Variants in MAP3K13 observed in about 807,000 individuals in gnomAD.
The protein encoded by MAP3K13 is leucine zipper-bearing kinase.
MAP3K13 carries 52 observed loss-of-function variants against 104.0 expected under a neutral mutation model. The ratio of observed to expected loss-of-function variants is 0.50; its 90% CI spans 0.40 to 0.63. MAP3K13 has a LOEUF of 0.63. MAP3K13 is among the 20% of genes least tolerant of loss of function. The pLI is 0.00. For synonymous variants in MAP3K13, 394 were observed against 442.2 expected (o/e 0.89, Z 1.37); for missense variants, 914 against 1,218.5 (o/e 0.75, Z 3.72).
intron 1 of MAP3K13, among the ~76,000 whole-genome samples, chr3:185,375,984 A>AG (rs1448406750): frequency 6.6e-6 from 1 of 152,148 alleles, no homozygotes; most frequent in Admixed American, 6.5e-5. Flanking sequence ...GAGGTAGTGG[A>AG]GGGGGGCAGA....
chr3:185,454,618 A>G (rs1347746333), intron 7 of MAP3K13, among the ~76,000 whole-genome samples: 16 of 51,678 alleles, frequency 3.1e-4, no homozygotes, highest in South Asian at 2.7e-3. Context: ...TATATGATAT[A>G]TATATGAGAT....
chr3:185,454,628 T>TATATATGAG (rs1553808137), intron 7 of MAP3K13, among the ~76,000 whole-genome samples: 1 of 52,262 alleles, frequency 1.9e-5, no homozygotes, highest in Non-Finnish European at 3.9e-5. Context: ...ATATATGAGA[T>TATATATGAG]ATATATATGA....
chr3:185,465,929 C>T lies in MAP3K13; in HGVS notation c.1505+66C>T, dbSNP rs961580046. The stretch of plus-strand genomic sequence containing the variant: ...CTGTCAATCAGCAGAAACATACTAC[C>T]CTTCCATGTTGCTGCTACTCAGAAC... On this transcript the variant is annotated intron_variant, in intron 9 of 13. Transcript: ENST00000265026. 5.4e-6 allele frequency: 6 copies of T among 1,118,344 alleles called. No individual in the cohort carries two copies. The African/African-American group carries it at 9.2e-5, about 17-fold the overall frequency. 69.3% of individuals were successfully genotyped at this position (1,118,344 alleles called of 1,614,324 possible).
At position 185,423,519 on chromosome 3, in the gene MAP3K13, T is replaced by C. The variant is rs1162647884; in HGVS notation, c.-85-4978T>C. On this transcript the variant is annotated intron_variant, in intron 1 of 13. Coordinates refer to ENST00000265026, the MANE Select transcript of MAP3K13 (RefSeq NM_004721.5). This position sits in a 1 kb window ranked among gnomAD's most constrained non-coding sequence, Gnocchi z 4.1. ...GATCAGTAATGTCAAAGCTCAGAGATGAGCACGAAAAGAACAGGGGAGGGG... is the reference window on the plus strand; with the variant it reads ...GATCAGTAATGTCAAAGCTCAGAGACGAGCACGAAAAGAACAGGGGAGGGG... 1.3e-5 allele frequency among the ~76,000 whole-genome samples: 2 copies of C among 152,164 alleles called. No homozygotes were observed. The highest frequency in any genetic ancestry group is 2.9e-5 in the Non-Finnish European group (2 of 68,028).
chr3:185,464,721 T>G (rs778139453), intron 8 of MAP3K13, among the ~76,000 whole-genome samples: 3 of 152,224 alleles, frequency 2.0e-5, no homozygotes, highest in Non-Finnish European at 4.4e-5. Context: ...GAGTCAGTTC[T>G]GAATGCTATA....
At chr3:185,292,981 T>C in intron 2 of MAP3K13, 1 of 984,634 alleles carries the variant, frequency 1.0e-6, no homozygotes, top group Non-Finnish European at 1.2e-6. Flanking sequence ...TCCCACGTGG[T>C]AAGAATAAAA....
rs911063235 is a variant in MAP3K13, at chr3:185,418,032, G to A, written c.-85-10465G>A. 5 of 1,611,894 alleles carry A rather than the reference G, an allele frequency of 3.1e-6. No individual in the cohort carries two copies. Among genetic ancestry groups the A allele is most frequent in the Non-Finnish European group, 4.2e-6 (5 of 1,179,712 alleles). The stretch of plus-strand genomic sequence containing the variant: ...GGAAAGCACTTTCAGTCCAAATGCA[G>A]AAACGTCCCACATGCCCACCAGGAG... On this transcript the variant is annotated intron_variant, in intron 1 of 13. Coordinates refer to ENST00000265026, the MANE Select transcript of MAP3K13 (RefSeq NM_004721.5). This position sits in a 1 kb window ranked among gnomAD's most constrained non-coding sequence, Gnocchi z 4.5.
chr3:185,450,409 C>A lies in MAP3K13; in HGVS notation c.1169+351C>A, dbSNP rs1387162019. 6.6e-6 allele frequency among the ~76,000 whole-genome samples: 1 copy of A among 152,138 alleles called. No individual in the cohort carries two copies. The highest frequency in any genetic ancestry group is 1.5e-5 in the Non-Finnish European group (1 of 68,038). On this transcript the variant is annotated intron_variant, in intron 6 of 13. Coordinates refer to ENST00000265026, the MANE Select transcript of MAP3K13 (RefSeq NM_004721.5). The surrounding 1 kb of genome is among the most constrained non-coding windows in gnomAD (Gnocchi z 4.2). Reference sequence around the variant, plus strand: ...TAAATAGGTCACTAATCCTAGATTTCCATTTCATCATTAGACGTATCTCAT... The same window carrying A: ...TAAATAGGTCACTAATCCTAGATTTACATTTCATCATTAGACGTATCTCAT...
At position 185,411,657 on chromosome 3, in the gene MAP3K13, A is replaced by G. The variant is rs192595869; in HGVS notation, c.-85-16840A>G. 1.4e-4 allele frequency among the ~76,000 whole-genome samples: 21 copies of G among 152,320 alleles called. No individual in the cohort carries two copies. The South Asian group carries it at 3.9e-3, about 29-fold the overall frequency. ...AGTGATACTTCAAATAGTAATTTCT[A>G]TTAGTGATTTTTAAATGTTATTTTA... is the stretch of plus-strand genomic sequence containing the variant. On this transcript the variant is annotated intron_variant, in intron 1 of 13. Transcript: ENST00000265026.
At chr3:185,415,810 C>T (rs1238003825) in intron 1 of MAP3K13, among the ~76,000 whole-genome samples, 1 of 151,794 alleles carries the variant, frequency 6.6e-6, no homozygotes, top group African/African-American at 2.4e-5. Context: ...CTCAAACTCC[C>T]AACCTCAGGT....
chr3:185,390,353 G>A (rs1711969123), intron 1 of MAP3K13, among the ~76,000 whole-genome samples: 1 of 152,118 alleles, frequency 6.6e-6, no homozygotes, highest in Admixed American at 6.6e-5. Context: ...TCATCAAGGT[G>A]GAGTCAGCAT....
chr3:185,325,758 G>A (rs138232966), intron 2 of MAP3K13, among the ~76,000 whole-genome samples: 1 of 152,242 alleles, frequency 6.6e-6, no homozygotes, highest in Non-Finnish European at 1.5e-5. Context: ...CCTTCCCATG[G>A]CATCTCAGTG....
intron 1 of MAP3K13, among the ~76,000 whole-genome samples, chr3:185,410,144 T>C (rs1035010451): frequency 6.6e-6 from 1 of 152,218 alleles, no homozygotes; most frequent in Admixed American, 6.5e-5. Context: ...CACCTCCTGC[T>C]GTGCAGCCTG....
intron 13 of MAP3K13, among the ~76,000 whole-genome samples, chr3:185,481,851 G>A (rs148978865): frequency 4.6e-5 from 7 of 152,340 alleles, no homozygotes; most frequent in East Asian, 1.9e-4. Context: ...TTGGGAGGCC[G>A]AGGCAGATGG....
intron 10 of MAP3K13, among the ~76,000 whole-genome samples, chr3:185,471,451 CTTTTTTTTTTTTTT>C (rs71164510): frequency 2.7e-5 from 2 of 75,444 alleles, no homozygotes; most frequent in South Asian, 9.5e-4. Context: ...ACGACCTTTA[CTTTTTTTTTTTTTT>C]TTTTTTTTTT....
At chr3:185,440,233 G>A (rs1191135902) in intron 3 of MAP3K13, among the ~76,000 whole-genome samples, 2 of 152,174 alleles carry the variant, frequency 1.3e-5, no homozygotes, top group East Asian at 3.9e-4. Context: ...TGATTATAGA[G>A]CTGTTATTTA....
chr3:185,399,990 T>A (rs1712696732), intron 1 of MAP3K13, among the ~76,000 whole-genome samples: 1 of 152,120 alleles, frequency 6.6e-6, no homozygotes. Context: ...TTGCTCAGAT[T>A]CTTTCCATTC....
At chr3:185,363,569 C>T (rs1723736761) in intron 1 of MAP3K13, among the ~76,000 whole-genome samples, 1 of 152,196 alleles carries the variant, frequency 6.6e-6, no homozygotes, top group Non-Finnish European at 1.5e-5. Context: ...TTTTCCTTTG[C>T]TTGTCTGCCT....
intron 7 of MAP3K13, among the ~76,000 whole-genome samples, chr3:185,457,309 C>T (rs920060562): frequency 6.6e-6 from 1 of 152,204 alleles, no homozygotes; most frequent in Non-Finnish European, 1.5e-5. Flanking sequence ...AAACTGAGTA[C>T]ATTAAGCATC....
Sources: allele counts gnomAD v4.1 joint callset (sites outside exome capture counted in the v4.1 genomes callset), GRCh38; gene constraint gnomAD v4.1.1; non-coding constraint Gnocchi (gnomAD v3.1); transcripts MANE v1.5; gene names NCBI Gene and HGNC (gene_info 2026-07-23, HGNC 2026-07-21).